Variants in NCAPG observed in about 807,000 individuals in gnomAD.
NCAPG encodes the protein non-SMC condensin I complex subunit G, also known as condensin complex subunit 3.
NCAPG carries 69 observed loss-of-function variants against 113.1 expected under a neutral mutation model. That is an observed-to-expected ratio of 0.61 (90% CI 0.50 to 0.75). The LOEUF is 0.75. Ranked by LOEUF, NCAPG falls within the 30% of genes least tolerant of loss-of-function variation. NCAPG has a pLI of 0.00. For missense variants in NCAPG, 1,058 were observed against 1,177.0 expected, an observed-to-expected ratio of 0.90 and a Z score of 1.48; for synonymous variants, 370 against 415.8, an observed-to-expected ratio of 0.89 and a Z score of 1.34.
chr4:17,828,349 A>G lies in NCAPG; in HGVS notation c.1725A>G (p.Thr575=), dbSNP rs1721734353. The G allele has an allele frequency of 1.2e-6, 2 of 1,608,248 alleles. No individual in the cohort carries two copies. Among genetic ancestry groups the G allele is most frequent in the Non-Finnish European group, 1.7e-6 (2 of 1,176,852 alleles). The change falls in exon 12 of 21, where the codon ACA becomes ACG. Residue 575 remains threonine, a synonymous_variant. Transcript: ENST00000251496. ...YELLKQMSIS[T]GLSATMNGII... ...TGTTGAAGCAGATGTCCATTTCAAC[A>G]GGCTTAAGTGCAACCATGAATGGAA...
Position 17,811,464 on chromosome 4 carries a change from T to C in NCAPG, c.111+276T>C, listed in dbSNP as rs1720943265. On this transcript the variant is annotated intron_variant, in intron 1 of 20. Coordinates refer to ENST00000251496, the MANE Select transcript of NCAPG (RefSeq NM_022346.5). The surrounding 1 kb of genome is among the most constrained non-coding windows in gnomAD (Gnocchi z 5.3). ...CCCAGCTTCTGGGCGGCGTGGACCG[T>C]TATTCCTTAGTCCGATCGTGAACGT... 6.6e-6 allele frequency among the ~76,000 whole-genome samples: 1 copy of C among 152,162 alleles called. No individual in the cohort carries two copies. The highest frequency in any genetic ancestry group is 1.5e-5 in the Non-Finnish European group (1 of 68,024).
intron 7 of NCAPG, among the ~76,000 whole-genome samples, chr4:17,820,140 T>C (rs1721392552): frequency 6.6e-6 from 1 of 152,248 alleles, no homozygotes; most frequent in Middle Eastern, 3.4e-3. Flanking sequence ...AATATTTAAA[T>C]GGCATAAAGG....
Position 17,834,460 on chromosome 4 carries a change from A to C in NCAPG, c.2046A>C (p.Glu682Asp). The C allele has an allele frequency of 5.6e-6, 9 of 1,610,698 alleles. No individual in the cohort carries two copies. The highest frequency in any genetic ancestry group is 6.8e-6 in the Non-Finnish European group (8 of 1,178,316). ...GTGATGATGAGCAAGAATCAAAAGA[A>C]GTTGAAGAGACTGCTACAGCTAAGA... ...INSDDEQESK[E>D]VEETATAKNV... Residue 682 changes from glutamate to aspartate, a missense_variant, in exon 14 of 21, where the codon GAA becomes GAC. Coordinates refer to ENST00000251496, the MANE Select transcript of NCAPG (RefSeq NM_022346.5).
intron 5 of NCAPG, 142 bp from the exon 6 acceptor site, chr4:17,817,119 A>C: frequency 1.7e-6 from 1 of 596,276 alleles, no homozygotes; most frequent in Non-Finnish European, 2.9e-6. Context: ...CTCAAAAAAT[A>C]TATATATACA....
At chr4:17,818,687 C>T (rs749563597) in intron 7 of NCAPG, among the ~76,000 whole-genome samples, 4 of 152,138 alleles carry the variant, frequency 2.6e-5, no homozygotes, top group Non-Finnish European at 4.4e-5. Context: ...CAATTCACAG[C>T]GTGGATCTTT....
At chr4:17,841,687 A>G (rs570284446) in intron 19 of NCAPG, 1 of 152,078 alleles carries the variant, frequency 6.6e-6, no homozygotes, top group South Asian at 2.1e-4. Context: ...TTCCTTATAA[A>G]TGAGAAACAT....
intron 16 of NCAPG, among the ~76,000 whole-genome samples, chr4:17,839,094 G>T (rs1169298136): frequency 1.3e-5 from 2 of 152,296 alleles, no homozygotes; most frequent in Non-Finnish European, 1.5e-5. Flanking sequence ...AGACTTCAAA[G>T]GAGCTGTTGA....
intron 15 of NCAPG, 53 bp from the exon 16 acceptor site, chr4:17,837,574 T>C: frequency 6.5e-7 from 1 of 1,544,642 alleles, no homozygotes; most frequent in Non-Finnish European, 8.8e-7. Flanking sequence ...TTCATACTTT[T>C]TCTCTCATCA....
Position 17,823,789 on chromosome 4 carries a change from T to C in NCAPG, c.1383+19T>C. 2 of 1,579,260 alleles carry C rather than the reference T, an allele frequency of 1.3e-6. No individual in the cohort carries two copies. Among genetic ancestry groups the C allele is most frequent in the Non-Finnish European group, 1.7e-6 (2 of 1,154,832 alleles). ...ACAAATTGTAAGTAATTTTCCTCATTGTTGATAAAGAGGTTTTGGTCAATG... is the reference window on the plus strand; with the variant it reads ...ACAAATTGTAAGTAATTTTCCTCATCGTTGATAAAGAGGTTTTGGTCAATG... On this transcript the variant is annotated intron_variant, in intron 9 of 20. Coordinates refer to ENST00000251496, the MANE Select transcript of NCAPG (RefSeq NM_022346.5).
chr4:17,840,565 G>T, intron 18 of NCAPG, 42 bp from the exon 19 acceptor site: 2 of 1,126,946 alleles, frequency 1.8e-6, no homozygotes, highest in Non-Finnish European at 2.4e-6. Context: ...AATATTTCAT[G>T]AGGTTATCTT....
rs1293813086 is a variant in NCAPG at position 17,837,751 on chromosome 4, A to G, written c.2416A>G (p.Thr806Ala). The change falls in exon 16 of 21, where the codon ACA becomes GCA. Residue 806 changes from threonine to alanine, a missense_variant. Transcript: ENST00000251496. The part of the protein sequence containing the change: ...TNVAELLVDL[T>A]RPSGLNPQAK... ...TGTTGCTGAGTTACTTGTAGATTTG[A>G]CAAGACCAAGTGGATTAAATCCTCA... 6.2e-7 allele frequency: 1 copy of G among 1,613,878 alleles called. No individual in the cohort carries two copies. The highest frequency in any genetic ancestry group is 1.3e-5 in the African/African-American group (1 of 74,934).
At chr4:17,836,273 G>T (rs1453371872) in intron 14 of NCAPG, among the ~76,000 whole-genome samples, 1 of 152,096 alleles carries the variant, frequency 6.6e-6, no homozygotes, top group East Asian at 1.9e-4. Context: ...TTGGATAAAT[G>T]TCTGTTCAAG....
At chr4:17,817,155 A>G in intron 5 of NCAPG, 106 bp from the exon 6 acceptor site, 2 of 767,408 alleles carry the variant, frequency 2.6e-6, no homozygotes, top group Non-Finnish European at 4.2e-6. Flanking sequence ...CTTAACCTCT[A>G]CTATTTCTAT....
At position 17,834,467 on chromosome 4, in the gene NCAPG, G is replaced by T; in HGVS notation, c.2053G>T (p.Glu685Ter). Reference protein sequence around the residue: ...DDEQESKEVEETATAKNVLKL... With the variant: ...DDEQESKEVE ...TGAGCAAGAATCAAAAGAAGTTGAA[G>T]AGACTGCTACAGCTAAGAATGTTCT... The change falls in exon 14 of 21, where the codon GAG (glutamate) becomes TAG (stop). Residue 685 changes from glutamate (E) to a stop codon, truncating the protein, a stop_gained. Coordinates refer to ENST00000251496, the MANE Select transcript of NCAPG (RefSeq NM_022346.5). LOFTEE classifies it high-confidence loss of function. The T allele has an allele frequency of 6.2e-7, 1 of 1,610,210 alleles. No individual in the cohort carries two copies. The highest frequency in any genetic ancestry group is 1.1e-5 in the South Asian group (1 of 90,590).
intron 12 of NCAPG, among the ~76,000 whole-genome samples, chr4:17,830,392 CA>C (rs571643482): frequency 1.1e-4 from 14 of 133,326 alleles, no homozygotes; most frequent in Non-Finnish European, 1.3e-4. Flanking sequence ...GACTCTGTCT[CA>C]AAAAAAAAAG....
intron 12 of NCAPG, among the ~76,000 whole-genome samples, chr4:17,829,583 A>C (rs1721786106): frequency 6.6e-6 from 1 of 152,204 alleles, no homozygotes; most frequent in African/African-American, 2.4e-5. Flanking sequence ...ATAAACACAA[A>C]ATTGAATGAT....
At chr4:17,820,313 A>G (rs1231051337) in intron 7 of NCAPG, among the ~76,000 whole-genome samples, 1 of 152,052 alleles carries the variant, frequency 6.6e-6, no homozygotes, top group Non-Finnish European at 1.5e-5. Context: ...TAAAGAGGAA[A>G]ATTTTCGGCT....
intron 11 of NCAPG, among the ~76,000 whole-genome samples, chr4:17,826,414 A>G (rs561670122): frequency 6.6e-6 from 1 of 152,134 alleles, no homozygotes; most frequent in African/African-American, 2.4e-5. Flanking sequence ...TAGACATCCC[A>G]ACTCCAACAC....
intron 7 of NCAPG, among the ~76,000 whole-genome samples, chr4:17,820,615 AAAAG>A (rs1329480603): frequency 6.6e-6 from 1 of 152,150 alleles, no homozygotes; most frequent in Non-Finnish European, 1.5e-5. Flanking sequence ...AAAAACAAAA[AAAAG>A]AAAACTTTCA....
Sources: allele counts gnomAD v4.1 joint callset (sites outside exome capture counted in the v4.1 genomes callset), GRCh38; gene constraint gnomAD v4.1.1; non-coding constraint Gnocchi (gnomAD v3.1); transcripts MANE v1.5; gene names NCBI Gene and HGNC (gene_info 2026-07-23, HGNC 2026-07-21).